ARPIN: variants seen among roughly 807,000 people sequenced by gnomAD.
The protein encoded by ARPIN is actin related protein 2/3 complex inhibitor.
In ARPIN, 23 loss-of-function variants were observed where a neutral mutation model predicts 25.9. The observed-to-expected ratio is 0.89, with a 90% CI of 0.64 to 1.26. The LOEUF (loss-of-function observed/expected upper bound fraction) is 1.26, where lower values mean the gene tolerates loss of function less well. Among genes scored for constraint, ARPIN ranks in the 50% most tolerant of loss-of-function variants. The probability of loss-of-function intolerance (pLI) is 0.00; values close to 1 mark genes in which losing one functional copy is unlikely to be tolerated. For missense variants in ARPIN, 333 were observed against 312.2 expected (o/e 1.07, Z -0.50); for synonymous variants, 126 against 131.4 (o/e 0.96, Z 0.28).
chr15:89,912,663 T>TGGGGGGGGCCC, intron 1 of ARPIN, 81 bp downstream of exon 1: 1 of 871,112 alleles, frequency 1.1e-6, no homozygotes, highest in Non-Finnish European at 1.4e-6. Flanking sequence ...CCCACCCGCA[T>TGGGGGGGGCCC]CCCACCCCCC....
At position 89,903,199 on chromosome 15, in the gene ARPIN, C is replaced by T; in HGVS notation, c.672+17G>A. ...CTCCTGCCAGGAGATACAACTGCAC[C>T]AACACCAGGTACCTACCCACTCCTC... is the stretch of plus-strand genomic sequence containing the variant. On this transcript the variant is annotated intron_variant, in intron 5 of 5. Transcript: ENST00000357484. 6.2e-7 allele frequency: 1 copy of T among 1,614,162 alleles called. No individual in the cohort carries two copies. The highest frequency in any genetic ancestry group is 8.5e-7 in the Non-Finnish European group (1 of 1,180,024).
chr15:89,907,471 G>C (rs2141924202), intron 3 of ARPIN, among the ~76,000 whole-genome samples: 2 of 152,300 alleles, frequency 1.3e-5, no homozygotes, highest in African/African-American at 4.8e-5. Flanking sequence ...TGGCATACGA[G>C]TGGGATGAGT....
intron 1 of ARPIN, among the ~76,000 whole-genome samples, chr15:89,911,378 G>A (rs1302375894): frequency 6.6e-6 from 1 of 152,134 alleles, no homozygotes; most frequent in East Asian, 1.9e-4. Flanking sequence ...AGAAGTCTGA[G>A]ACTAGTCCAA....
At chr15:89,903,645 C>T in intron 4 of ARPIN, 132 bp downstream of exon 4, 2 of 1,452,618 alleles carry the variant, frequency 1.4e-6, no homozygotes, top group Non-Finnish European at 1.9e-6. Flanking sequence ...AGGAGTAAAT[C>T]TCAAGGGCTT....
Position 89,908,072 on chromosome 15 carries a change from C to T in ARPIN, c.301+208G>A, listed in dbSNP as rs553864792. 3.9e-5 allele frequency among the ~76,000 whole-genome samples: 6 copies of T among 152,224 alleles called. No individual in the cohort carries two copies. The East Asian group carries it at 9.7e-4, about 25-fold the overall frequency. On this transcript the variant is annotated intron_variant, in intron 3 of 5. Coordinates refer to ENST00000357484, the MANE Select transcript of ARPIN (RefSeq NM_182616.4). ...GCAGGAGGTGGGAAGGCCAGCCTGG[C>T]CCCTGGAATGGAGGGGAGGGAACGG...
At position 89,901,297 on chromosome 15, in the gene ARPIN, G is replaced by C. The variant is rs551707588; in HGVS notation, c.*498C>G. The C allele has an allele frequency of 5.9e-6, 1 of 169,150 alleles. No homozygotes were observed. Among genetic ancestry groups the C allele is most frequent in the Non-Finnish European group, 1.3e-5 (1 of 79,408 alleles). 10.5% of individuals were successfully genotyped at this position (169,150 alleles called of 1,614,324 possible). A position where few individuals can be genotyped will look rare whatever the true frequency, so the allele number is the denominator to read the frequency against. Reference sequence around the variant, plus strand: ...TTAGACAAGGGATATTCCCCACTCCGCACCAATACCAGGTCCAGTTACTCT... The same window carrying C: ...TTAGACAAGGGATATTCCCCACTCCCCACCAATACCAGGTCCAGTTACTCT... On this transcript the variant is annotated 3_prime_UTR_variant, in exon 6 of 6. Transcript: ENST00000357484.
At chr15:89,911,441 G>A (rs955782160) in intron 1 of ARPIN, among the ~76,000 whole-genome samples, 1 of 152,078 alleles carries the variant, frequency 6.6e-6, no homozygotes, top group African/African-American at 2.4e-5. Context: ...CTCGACTCTG[G>A]TTTTCATAAA....
intron 1 of ARPIN, chr15:89,912,335 C>T: frequency 9.9e-7 from 1 of 1,006,502 alleles, no homozygotes; most frequent in Non-Finnish European, 1.2e-6. Flanking sequence ...CCAGCCCGCC[C>T]GCTGTTCCCG....
chr15:89,908,531 A>C, intron 2 of ARPIN, 119 bp from the exon 3 acceptor site: 1 of 1,504,722 alleles, frequency 6.6e-7, no homozygotes, highest in Non-Finnish European at 8.9e-7. Context: ...TCAGCTCCAA[A>C]AGATGTTCAA....
At chr15:89,906,269 C>T (rs1158305570) in intron 3 of ARPIN, among the ~76,000 whole-genome samples, 1 of 152,166 alleles carries the variant, frequency 6.6e-6, no homozygotes, top group East Asian at 1.9e-4. Context: ...TAAAACCTCA[C>T]TACAGGGCTG....
chr15:89,907,099 C>G (rs1326875300), intron 3 of ARPIN, among the ~76,000 whole-genome samples: 1 of 150,960 alleles, frequency 6.6e-6, no homozygotes, highest in Non-Finnish European at 1.5e-5. Context: ...AACGGAGTCT[C>G]ACTCTGTTGC....
intron 1 of ARPIN, chr15:89,912,154 AG>A (rs1253565525): frequency 2.1e-6 from 2 of 964,336 alleles, no homozygotes; most frequent in African/African-American, 3.5e-5. Context: ...ACGCTTTTAT[AG>A]GTTCCATATA....
At chr15:89,912,663 T>TGGGGGC in intron 1 of ARPIN, 81 bp downstream of exon 1, 15 of 870,984 alleles carry the variant, frequency 1.7e-5, no homozygotes, top group African/African-American at 2.0e-5. Context: ...CCCACCCGCA[T>TGGGGGC]CCCACCCCCC....
rs1318951273 is a variant in ARPIN at position 89,897,290 on chromosome 15, G to C, written c.*4505C>G. On this transcript the variant is annotated 3_prime_UTR_variant, in exon 6 of 6. Transcript: ENST00000357484. ...ACTTGAGATCAGAAGTTCAAGAAAA[G>C]CCTGGCTGACATGGTGAAACCCCGT... 1 of 152,016 alleles carries C rather than the reference G, an allele frequency of 6.6e-6. No homozygotes were observed. Among genetic ancestry groups the C allele is most frequent in the African/African-American group, 2.4e-5 (1 of 41,404 alleles). 9.4% of individuals were successfully genotyped at this position (152,016 alleles called of 1,614,324 possible).
Position 89,912,865 on chromosome 15 carries a change from G to T in ARPIN, c.-30C>A. The T allele has an allele frequency of 6.6e-7, 1 of 1,510,080 alleles. No individual in the cohort carries two copies. The allele number at this position is 1,510,080 out of a possible 1,614,324, so 93.5% of individuals were successfully genotyped here. A position where few individuals can be genotyped will look rare whatever the true frequency, so the allele number is the denominator to read the frequency against. Reference sequence around the variant, plus strand: ...CCGACCGCCCGGGCACCCCGGCACAGAGCCGGCGCACTGGGCTGGGGGCGC... The same window carrying T: ...CCGACCGCCCGGGCACCCCGGCACATAGCCGGCGCACTGGGCTGGGGGCGC... On this transcript the variant is annotated 5_prime_UTR_variant, in exon 1 of 6. In the 5' UTR this introduces an upstream ATG that the reference lacks. Transcript: ENST00000357484.
chr15:89,903,297 G>T lies in ARPIN; in HGVS notation c.591C>A (p.Asp197Glu). The T allele has an allele frequency of 6.2e-7, 1 of 1,614,212 alleles. No individual in the cohort carries two copies. Among genetic ancestry groups the T allele is most frequent in the Non-Finnish European group, 8.5e-7 (1 of 1,180,050 alleles). The change falls in exon 5 of 6, where the codon GAC (aspartate) becomes GAA (glutamate). Residue 197 changes from aspartate to glutamate, a missense_variant. Physicochemically the swap from Asp to Glu is conservative, Grantham distance 45. Coordinates refer to ENST00000357484, the MANE Select transcript of ARPIN (RefSeq NM_182616.4). ...GDGKTGASWT[D>E]NIMAQKCSKG... ...TCGAACACTTTTGGGCCATGATGTT[G>T]TCTGTCCAGGATGCCCCTGTCTTTC...
chr15:89,903,420 G>A (rs1897059488), intron 4 of ARPIN, 41 bp from the exon 5 acceptor site: 2 of 1,612,170 alleles, frequency 1.2e-6, no homozygotes, highest in Non-Finnish European at 1.7e-6. Flanking sequence ...TGTCCCTGTG[G>A]CAGAAACATA....
Position 89,903,216 on chromosome 15 carries a change from C to G in ARPIN, c.672G>C (p.Trp224Cys). The G allele has an allele frequency of 2.5e-6, 4 of 1,614,186 alleles. No homozygotes were observed. The highest frequency in any genetic ancestry group is 3.4e-6 in the Non-Finnish European group (4 of 1,180,032). Reference sequence around the variant, plus strand: ...AACTGCACCAACACCAGGTACCTACCCACTCCTCGTCCTCTGCCCCATCCC... The same window carrying G: ...AACTGCACCAACACCAGGTACCTACGCACTCCTCGTCCTCTGCCCCATCCC... ...EQGDGAEDEEWDD is the reference protein window; with the variant it reads ...EQGDGAEDEECDD Residue 224 changes from tryptophan (W) to cysteine (C), a missense_variant and splice_region_variant, in exon 5 of 6, where the codon TGG becomes TGC. Transcript: ENST00000357484.
intron 1 of ARPIN, 163 bp downstream of exon 1, chr15:89,912,581 G>C (rs77755346): frequency 7.4e-7 from 1 of 1,348,672 alleles, no homozygotes; most frequent in East Asian, 3.1e-5. Context: ...CGCGGCGGCA[G>C]GGGCGCCGGG....
Sources: allele counts gnomAD v4.1 joint callset (sites outside exome capture counted in the v4.1 genomes callset), GRCh38; gene constraint gnomAD v4.1.1; transcripts MANE v1.5; gene names NCBI Gene and HGNC (gene_info 2026-07-23, HGNC 2026-07-21).